AGMO: variants seen among roughly 807,000 people sequenced by gnomAD.
The protein encoded by AGMO is glyceryl-ether monooxygenase.
In AGMO, 75 loss-of-function variants were observed where a neutral mutation model predicts 60.2. That is an observed-to-expected ratio of 1.25 (90% CI 1.03 to 1.51). The LOEUF (loss-of-function observed/expected upper bound fraction) is 1.51, where lower values mean the gene tolerates loss of function less well. Ranked by LOEUF, AGMO falls within the 40% of genes most tolerant of loss-of-function variation. AGMO has a pLI of 0.00. For synonymous variants in AGMO, 261 were observed against 177.1 expected (o/e 1.47, Z -3.76); for missense variants, 763 against 525.5 (o/e 1.45, Z -4.42).
chr7:15,560,789 C>T (rs371091016), intron 1 of AGMO, among the ~76,000 whole-genome samples: 4 of 152,230 alleles, frequency 2.6e-5, no homozygotes, highest in South Asian at 4.1e-4. Flanking sequence ...TTGCTTAAAA[C>T]ATGATTCAGA....
downstream of AGMO, among the ~76,000 whole-genome samples, chr7:15,198,599 A>G (rs1214350704): frequency 6.6e-6 from 1 of 152,148 alleles, no homozygotes; most frequent in Non-Finnish European, 1.5e-5. Context: ...TTTTATTATT[A>G]CTCAAATCAG....
chr7:15,214,056 C>G (rs893239994), intron 12 of AGMO, among the ~76,000 whole-genome samples: 1 of 151,846 alleles, frequency 6.6e-6, no homozygotes, highest in South Asian at 2.1e-4. Context: ...TTTACATGAT[C>G]CATAATTTGT....
rs570833226 is a variant in AGMO, at chr7:15,545,247, A to G, written c.258-324T>C. The stretch of plus-strand genomic sequence containing the variant: ...ATACAACATAAATAGGACAAGACTA[A>G]AACTTAATTTCTGTGATTGTCATTT... On this transcript the variant is annotated intron_variant, in intron 2 of 12. Transcript: ENST00000342526. Among the ~76,000 whole-genome samples the G allele has an allele frequency of 1.2e-4, 18 of 152,282 alleles. No individual in the cohort carries two copies. The South Asian group carries it at 3.7e-3, about 32-fold the overall frequency.
At chr7:15,386,628 A>G (rs1783927036) in intron 9 of AGMO, among the ~76,000 whole-genome samples, 1 of 152,224 alleles carries the variant, frequency 6.6e-6, no homozygotes, top group South Asian at 2.1e-4. Context: ...TTTCAAAATA[A>G]CAGTATTTAA....
chr7:15,187,069 T>C, the AGMO span, among the ~76,000 whole-genome samples: 36 of 152,358 alleles, frequency 2.4e-4, no homozygotes, highest in South Asian at 1.2e-3. Context: ...TTCTTTTTAA[T>C]TTAAAAATGT....
chr7:15,453,824 T>C (rs1023123239), intron 3 of AGMO, among the ~76,000 whole-genome samples: 1 of 152,038 alleles, frequency 6.6e-6, no homozygotes, highest in Non-Finnish European at 1.5e-5. Context: ...AGCTCCACTA[T>C]CTAAGTTGCT....
intron 9 of AGMO, 63 bp downstream of exon 9, chr7:15,387,343 T>C: frequency 1.3e-6 from 2 of 1,564,756 alleles, no homozygotes; most frequent in Non-Finnish European, 1.7e-6. Flanking sequence ...ATGTACAGGC[T>C]GGCTGTAGAC....
In AGMO at chr7:15,384,129, T is replaced by C. The variant is rs372987435; in HGVS notation, c.1074+1317A>G. 9.9e-5 allele frequency among the ~76,000 whole-genome samples: 15 copies of C among 152,122 alleles called. No homozygotes were observed. The East Asian group carries it at 2.9e-3, about 30-fold the overall frequency. The stretch of plus-strand genomic sequence containing the variant: ...ATTTTTGTATTTTTCAGTAGAGACG[T>C]GGTTTCACCGTATTAGCCAGGATGG... On this transcript the variant is annotated intron_variant, in intron 10 of 12. Transcript: ENST00000342526.
At chr7:15,190,001 T>C in the AGMO span, among the ~76,000 whole-genome samples, 11 of 150,382 alleles carry the variant, frequency 7.3e-5, no homozygotes, top group Middle Eastern at 3.5e-3. Context: ...GAGCTACCCA[T>C]ATCCATATGT....
intron 12 of AGMO, among the ~76,000 whole-genome samples, chr7:15,201,666 T>G (rs796656496): frequency 5.9e-5 from 9 of 152,290 alleles, no homozygotes; most frequent in African/African-American, 2.2e-4. Flanking sequence ...CTTCTGACAT[T>G]TGGAGATACA....
intron 12 of AGMO, among the ~76,000 whole-genome samples, chr7:15,321,407 T>C (rs144148996): frequency 1.3e-5 from 2 of 152,266 alleles, no homozygotes; most frequent in African/African-American, 4.8e-5. Flanking sequence ...TACTAAACAA[T>C]AGTGAGAATC....
At chr7:15,265,150 G>A (rs1467034170) in intron 12 of AGMO, among the ~76,000 whole-genome samples, 1 of 152,102 alleles carries the variant, frequency 6.6e-6, no homozygotes, top group Non-Finnish European at 1.5e-5. Context: ...GATGCAGTTG[G>A]AGGCCATTAT....
Position 15,561,837 on chromosome 7 carries a change from G to T in AGMO, c.9C>A (p.Asn3Lys), listed in dbSNP as rs376010874. The T allele has an allele frequency of 6.2e-7, 1 of 1,603,960 alleles. No homozygotes were observed. Among genetic ancestry groups the T allele is most frequent in the South Asian group, 1.1e-5 (1 of 89,772 alleles). The change falls in exon 1 of 13, where the codon AAC becomes AAA. Residue 3 changes from asparagine (N) to lysine (K), a missense_variant. Asn to Lys is a moderately conservative substitution (Grantham distance 94, BLOSUM62 0). Coordinates refer to ENST00000342526, the MANE Select transcript of AGMO (RefSeq NM_001004320.2). ...CTGAAACATCCTGCTGGGCTTCTGG[G>T]TTCTTCATTTCTGCCCTTGTCTGAT... is the stretch of plus-strand genomic sequence containing the variant. MK[N>K]PEAQQDVSVS...
intron 12 of AGMO, among the ~76,000 whole-genome samples, chr7:15,337,013 T>C (rs1267765169): frequency 6.6e-5 from 10 of 152,192 alleles, no homozygotes; most frequent in African/African-American, 2.2e-4. Flanking sequence ...CTCAAACGTA[T>C]GTAACTGTGT....
intron 2 of AGMO, among the ~76,000 whole-genome samples, chr7:15,552,871 C>T (rs1245134037): frequency 4.7e-5 from 7 of 149,632 alleles, no homozygotes; most frequent in Non-Finnish European, 6.0e-5. Context: ...CACATGCACA[C>T]GTATGTTTAT....
chr7:15,248,222 A>ATATATATATATATATC (rs1554401294), intron 12 of AGMO, among the ~76,000 whole-genome samples: 3 of 104,196 alleles, frequency 2.9e-5, no homozygotes. Context: ...ATATATATAT[A>ATATATATATATATATC]TATCTTCATC....
intron 2 of AGMO, among the ~76,000 whole-genome samples, chr7:15,547,764 T>C (rs1213521504): frequency 6.6e-6 from 1 of 151,958 alleles, no homozygotes; most frequent in East Asian, 1.9e-4. Context: ...TGCCCGGGCT[T>C]GATTAGGTAA....
At chr7:15,304,204 C>T (rs954799960) in intron 12 of AGMO, among the ~76,000 whole-genome samples, 8 of 152,208 alleles carry the variant, frequency 5.3e-5, no homozygotes, top group Non-Finnish European at 8.8e-5. Context: ...TGAAAGTTAA[C>T]TTTAAATGTC....
intron 10 of AGMO, among the ~76,000 whole-genome samples, chr7:15,384,827 T>TTTC (rs1215722528): frequency 6.6e-6 from 1 of 150,826 alleles, no homozygotes; most frequent in African/African-American, 2.4e-5. Context: ...CTTTTTTTTT[T>TTTC]TTTTTTTGCA....
Sources: allele counts gnomAD v4.1 joint callset (sites outside exome capture counted in the v4.1 genomes callset), GRCh38; gene constraint gnomAD v4.1.1; transcripts MANE v1.5; gene names NCBI Gene and HGNC (gene_info 2026-07-23, HGNC 2026-07-21).